Variants in PARD3B observed in about 807,000 individuals in gnomAD.
PARD3B encodes the protein par-3 family cell polarity regulator beta.
PARD3B carries 103 observed loss-of-function variants against 130.2 expected under a neutral mutation model. The observed-to-expected ratio is 0.79, with a 90% CI of 0.67 to 0.93. PARD3B has a LOEUF of 0.93. Among genes scored for constraint, PARD3B ranks in the 40% least tolerant of loss-of-function variants. The pLI is 0.00. For synonymous variants in PARD3B, 583 were observed against 553.2 expected, an observed-to-expected ratio of 1.05 and a Z score of -0.76; for missense variants, 1,609 against 1,499.2, an observed-to-expected ratio of 1.07 and a Z score of -1.21.
chr2:204,992,510 G>T (rs981308532), intron 3 of PARD3B, among the ~76,000 whole-genome samples: 59 of 148,164 alleles, frequency 4.0e-4, no homozygotes, highest in African/African-American at 1.5e-3. Flanking sequence ...GTCAAGTAGT[G>T]TGATGCCTCC....
chr2:205,219,075 G>A (rs1410102711), intron 15 of PARD3B, among the ~76,000 whole-genome samples: 1 of 148,390 alleles, frequency 6.7e-6, no homozygotes. Context: ...GGGAGACTCT[G>A]TTTAAAAAAA....
rs553489495 is a variant in PARD3B at position 204,853,852 on chromosome 2, A to G, written c.223-111300A>G. 2.0e-5 allele frequency among the ~76,000 whole-genome samples: 3 copies of G among 152,320 alleles called. No individual in the cohort carries two copies. The East Asian group carries it at 5.8e-4, about 29-fold the overall frequency. ...CACATTTTAATAAGTAATTGCACAA[A>G]TAAGTGTATAATTACAAGTTGTGGT... On this transcript the variant is annotated intron_variant, in intron 2 of 22. Coordinates refer to ENST00000406610, the MANE Select transcript of PARD3B (RefSeq NM_001302769.2).
rs189943430 is a variant in PARD3B at position 204,728,786 on chromosome 2, C to T, written c.222+42504C>T. Among the ~76,000 whole-genome samples, 1,144 of 152,270 alleles carry T rather than the reference C, an allele frequency of 7.5e-3. 14 individuals carry two copies. Among genetic ancestry groups the T allele is most frequent in the African/African-American group, 0.025 (1,028 of 41,558 alleles). On this transcript the variant is annotated intron_variant, in intron 2 of 22. Transcript: ENST00000406610. ...GTTTATCTTAATCCACTCCTGTGAT[C>T]TTTCTGCTTTTTCAGTTGTCTTTTC...
intron 2 of PARD3B, among the ~76,000 whole-genome samples, chr2:204,740,467 C>CT (rs2039963885): frequency 6.6e-6 from 1 of 152,170 alleles, no homozygotes; most frequent in Non-Finnish European, 1.5e-5. Flanking sequence ...AAAACAAAAA[C>CT]TGTTTTATTA....
At chr2:205,507,787 C>T (rs2050430968) in intron 21 of PARD3B, among the ~76,000 whole-genome samples, 1 of 152,104 alleles carries the variant, frequency 6.6e-6, no homozygotes, top group Non-Finnish European at 1.5e-5. Context: ...GTGTATTCTC[C>T]TGTTTATCGT....
chr2:204,916,475 G>A (rs2047449805), intron 2 of PARD3B, among the ~76,000 whole-genome samples: 1 of 152,092 alleles, frequency 6.6e-6, no homozygotes, highest in Non-Finnish European at 1.5e-5. Flanking sequence ...AGTAATATAA[G>A]AACAGTCCAA....
In PARD3B at chr2:205,619,004, A is replaced by G. The variant is rs2055519006; in HGVS notation, c.*3191A>G. ...TGTTGACTCCCACAGGATGGCACCA[A>G]GTAAAGATCTTAAGAGCATAGTAGG... On this transcript the variant is annotated 3_prime_UTR_variant, in exon 23 of 23. Transcript: ENST00000406610. 1 of 152,228 alleles carries G rather than the reference A, an allele frequency of 6.6e-6. No homozygotes were observed. Among genetic ancestry groups the G allele is most frequent in the Non-Finnish European group, 1.5e-5 (1 of 68,044 alleles). 9.4% of individuals were successfully genotyped at this position (152,228 alleles called of 1,614,324 possible). A position where few individuals can be genotyped will look rare whatever the true frequency, so the allele number is the denominator to read the frequency against.
chr2:204,774,476 C>G (rs1390512429), intron 2 of PARD3B, among the ~76,000 whole-genome samples: 1 of 152,004 alleles, frequency 6.6e-6, no homozygotes, highest in Non-Finnish European at 1.5e-5. Flanking sequence ...GCAGTTTGGA[C>G]TCAGCAAATG....
chr2:205,610,917 A>G (rs2055205752), intron 22 of PARD3B, among the ~76,000 whole-genome samples: 1 of 152,110 alleles, frequency 6.6e-6, no homozygotes, highest in African/African-American at 2.4e-5. Context: ...TAGTTACTGT[A>G]TGTGTGTGGG....
chr2:205,178,408 G>A (rs140846270), intron 13 of PARD3B, among the ~76,000 whole-genome samples: 168 of 152,132 alleles, frequency 1.1e-3, no homozygotes, highest in African/African-American at 3.4e-3. Context: ...AGCCAAGATC[G>A]TGCCACTGTA....
intron 19 of PARD3B, among the ~76,000 whole-genome samples, chr2:205,411,106 T>C (rs2046582579): frequency 6.6e-6 from 1 of 152,164 alleles, no homozygotes; most frequent in Admixed American, 6.6e-5. Flanking sequence ...GGGGAAGTGC[T>C]ACTGGAATCT....
At position 204,967,268 on chromosome 2, in the gene PARD3B, C is replaced by T. The variant is rs116637804; in HGVS notation, c.394+1945C>T. Among the ~76,000 whole-genome samples, 1,380 of 152,274 alleles carry T rather than the reference C, an allele frequency of 9.1e-3. 30 individuals are homozygous for T. The highest frequency in any genetic ancestry group is 0.031 in the African/African-American group (1,308 of 41,536). On this transcript the variant is annotated intron_variant, in intron 3 of 22. Coordinates refer to ENST00000406610, the MANE Select transcript of PARD3B (RefSeq NM_001302769.2). This position sits in a 1 kb window ranked among gnomAD's most constrained non-coding sequence, Gnocchi z 4.4. Reference sequence around the variant, plus strand: ...ACCTTGGCATCACCTCCAGTTCCACCGTTTCCTTCTACCTCCCCCACTCTG... The same window carrying T: ...ACCTTGGCATCACCTCCAGTTCCACTGTTTCCTTCTACCTCCCCCACTCTG...
chr2:205,150,645 G>C (rs565272658), intron 10 of PARD3B, among the ~76,000 whole-genome samples: 10 of 152,256 alleles, frequency 6.6e-5, no homozygotes, highest in Admixed American at 3.3e-4. Flanking sequence ...TACAGCATAA[G>C]AAAGATATAA....
intron 16 of PARD3B, among the ~76,000 whole-genome samples, chr2:205,246,908 A>G (rs748956886): frequency 5.9e-5 from 9 of 152,190 alleles, no homozygotes; most frequent in Non-Finnish European, 1.3e-4. Context: ...GGAGTGATAA[A>G]TTGCCACATG....
intron 20 of PARD3B, among the ~76,000 whole-genome samples, chr2:205,494,086 C>A (rs2049836679): frequency 1.3e-5 from 2 of 152,022 alleles, no homozygotes; most frequent in Admixed American, 6.6e-5. Flanking sequence ...TTAACTGCAT[C>A]ATCAAATCTG....
intron 2 of PARD3B, among the ~76,000 whole-genome samples, chr2:204,774,285 C>T (rs188441091): frequency 1.5e-4 from 23 of 152,104 alleles, no homozygotes; most frequent in Non-Finnish European, 2.1e-4. Flanking sequence ...TGAGAATCCA[C>T]GCTCTGTGAG....
intron 1 of PARD3B, among the ~76,000 whole-genome samples, chr2:204,684,391 T>G (rs2036980092): frequency 6.6e-6 from 1 of 152,218 alleles, no homozygotes; most frequent in Admixed American, 6.5e-5. Context: ...TTATAGAAAT[T>G]AATTAAATTG....
At chr2:205,071,692 A>G (rs908196034) in intron 4 of PARD3B, among the ~76,000 whole-genome samples, 1 of 152,234 alleles carries the variant, frequency 6.6e-6, no homozygotes, top group Non-Finnish European at 1.5e-5. Flanking sequence ...CATTTGAAAT[A>G]AGAATCTTTT....
In PARD3B at chr2:205,325,732, AATAAG is replaced by A. The variant is rs1488880984; in HGVS notation, c.2630+24037_2630+24041del. Among the ~76,000 whole-genome samples, 2 of 152,152 alleles carry A rather than the reference AATAAG, an allele frequency of 1.3e-5. No homozygotes were observed. Among genetic ancestry groups the A allele is most frequent in the Non-Finnish European group, 2.9e-5 (2 of 68,028 alleles). On this transcript the variant is annotated intron_variant, in intron 18 of 22. Transcript: ENST00000406610. This position sits in a 1 kb window ranked among gnomAD's most constrained non-coding sequence, Gnocchi z 4.1. ...TGAGTAATTAGACATCCTATCTAGT[AATAAG>A]ATAAGTAATTTTACTGGTGTCACTT... is the stretch of plus-strand genomic sequence containing the variant.
Sources: gnomAD v4.1 joint callset for allele counts (sites outside exome capture counted in the v4.1 genomes callset) on GRCh38, gnomAD v4.1.1 for gene constraint, Gnocchi (gnomAD v3.1) non-coding constraint, MANE v1.5 for transcripts, NCBI Gene and HGNC (gene_info 2026-07-23, HGNC 2026-07-21) for gene names.